The following CNTNAP2 variants were observed in gnomAD, a reference collection of about 807,000 sequenced individuals.
CNTNAP2 encodes the protein contactin associated protein 2, also known as contactin-associated protein-like 2.
Under a neutral mutation model 155.2 loss-of-function variants are expected in CNTNAP2, and 98 were observed. The ratio of observed to expected loss-of-function variants is 0.63; its 90% confidence interval spans 0.54 to 0.75. CNTNAP2 has a LOEUF of 0.75. Ranked by LOEUF, CNTNAP2 falls within the 30% of genes least tolerant of loss-of-function variation. The pLI is 0.00. For synonymous variants in CNTNAP2, 651 were observed against 631.2 expected (o/e 1.03, Z -0.47); for missense variants, 1,727 against 1,688.1 (o/e 1.02, Z -0.40).
intron 10 of CNTNAP2, among the ~76,000 whole-genome samples, chr7:147,478,382 A>T (rs1488814192): frequency 6.6e-6 from 1 of 151,932 alleles, no homozygotes; most frequent in African/African-American, 2.4e-5. Flanking sequence ...TGAACTCCTG[A>T]CCTCAGGTGA....
intron 7 of CNTNAP2, among the ~76,000 whole-genome samples, chr7:147,129,665 C>T (rs958817270): frequency 2.0e-5 from 3 of 152,118 alleles, no homozygotes; most frequent in African/African-American, 7.2e-5. Context: ...ACAATAATGT[C>T]ATGAGTGTTT....
intron 3 of CNTNAP2, among the ~76,000 whole-genome samples, chr7:147,005,907 T>C (rs1242285517): frequency 2.6e-5 from 4 of 151,970 alleles, no homozygotes; most frequent in Non-Finnish European, 4.4e-5. Context: ...TATCCTATCC[T>C]GGTTTCCTAC....
chr7:146,610,866 C>T (rs764580328), intron 1 of CNTNAP2, among the ~76,000 whole-genome samples: 16 of 152,222 alleles, frequency 1.1e-4, no homozygotes, highest in Non-Finnish European at 2.1e-4. Context: ...TTGCCTTGAG[C>T]CCCTGGTGCC....
intron 1 of CNTNAP2, among the ~76,000 whole-genome samples, chr7:146,151,682 G>A (rs62504799): frequency 0.092 from 6,549 of 71,344 alleles, 349 homozygotes; most frequent in East Asian, 0.15. Context: ...ATATATATAT[G>A]TATATATATA....
intron 1 of CNTNAP2, among the ~76,000 whole-genome samples, chr7:146,245,926 A>ATG (rs541058227): frequency 6.0e-4 from 58 of 97,414 alleles, no homozygotes; most frequent in African/African-American, 2.4e-3. Context: ...GAGAGAGGAT[A>ATG]GGGTTTGGCA....
In CNTNAP2 at chr7:146,887,908, G is replaced by C. The variant is rs559486558; in HGVS notation, c.402+48004G>C. On this transcript the variant is annotated intron_variant, in intron 3 of 23. Transcript: ENST00000361727. ...ATCTAAGTTCTTTTCTTATGTTAGG[G>C]TGTCCACTTTTAGTCTTAGAGATAT... 3.9e-5 allele frequency among the ~76,000 whole-genome samples: 6 copies of C among 152,152 alleles called. No individual in the cohort carries two copies. In the East Asian group the frequency reaches 5.8e-4, roughly 15 times the overall value.
intron 9 of CNTNAP2, among the ~76,000 whole-genome samples, chr7:147,341,564 A>AT (rs761270800): frequency 6.6e-6 from 1 of 152,170 alleles, no homozygotes; most frequent in Non-Finnish European, 1.5e-5. Flanking sequence ...ATTTAGGTTG[A>AT]TACAACATGG....
chr7:146,243,944 G>A (rs1044908384), intron 1 of CNTNAP2, among the ~76,000 whole-genome samples: 1 of 152,146 alleles, frequency 6.6e-6, no homozygotes, highest in Admixed American at 6.5e-5. Flanking sequence ...CTTCGAGCGG[G>A]ATTAGGGGCG....
At chr7:146,931,403 A>C (rs1206726926) in intron 3 of CNTNAP2, among the ~76,000 whole-genome samples, 102 of 149,126 alleles carry the variant, frequency 6.8e-4, no homozygotes, top group Non-Finnish European at 1.1e-3. Flanking sequence ...ACAAAGACAC[A>C]ACATACCAGA....
intron 13 of CNTNAP2, among the ~76,000 whole-genome samples, chr7:147,710,297 A>G (rs1235670449): frequency 1.3e-5 from 2 of 152,134 alleles, no homozygotes; most frequent in Admixed American, 1.3e-4. Context: ...ATGCATTTTA[A>G]GCTTCTTAGC....
rs142012298 is a variant in CNTNAP2, at chr7:148,165,539, C to T, written c.2774-6703C>T. Among the ~76,000 whole-genome samples, 19 of 152,240 alleles carry T rather than the reference C, an allele frequency of 1.2e-4. No homozygotes were observed. In the East Asian group the frequency reaches 3.5e-3, roughly 28 times the overall value. ...GCCTATACTCAATAATAGCAATAAT[C>T]GTAACAGCTACCAGTAACTAGAATT... On this transcript the variant is annotated intron_variant, in intron 17 of 23. Transcript: ENST00000361727.
intron 8 of CNTNAP2, among the ~76,000 whole-genome samples, chr7:147,262,991 G>T (rs907132407): frequency 6.6e-6 from 1 of 152,148 alleles, no homozygotes; most frequent in African/African-American, 2.4e-5. Flanking sequence ...AATACAGATA[G>T]TAACTTGCTG....
chr7:148,158,647 GT>G (rs1805452674), intron 17 of CNTNAP2, among the ~76,000 whole-genome samples: 1 of 152,106 alleles, frequency 6.6e-6, no homozygotes, highest in East Asian at 1.9e-4. Context: ...AAACTTTACG[GT>G]GAACATTCTG....
chr7:147,545,735 A>T (rs1286590239), intron 11 of CNTNAP2, among the ~76,000 whole-genome samples: 1 of 152,156 alleles, frequency 6.6e-6, no homozygotes, highest in Admixed American at 6.5e-5. Context: ...AGGTTTGAAA[A>T]GCAACTTTTA....
At chr7:146,623,065 A>G (rs1337992799) in intron 1 of CNTNAP2, among the ~76,000 whole-genome samples, 4 of 152,108 alleles carry the variant, frequency 2.6e-5, no homozygotes, top group Non-Finnish European at 5.9e-5. Context: ...GAGTTTCAGA[A>G]TTGTTAGTGG....
intron 21 of CNTNAP2, among the ~76,000 whole-genome samples, chr7:148,290,638 G>A (rs1396850951): frequency 6.6e-6 from 1 of 152,138 alleles, no homozygotes; most frequent in African/African-American, 2.4e-5. Context: ...ATCTTCATGT[G>A]GCTGGTGCCT....
At chr7:146,919,796 G>T (rs1474129284) in intron 3 of CNTNAP2, among the ~76,000 whole-genome samples, 1 of 152,148 alleles carries the variant, frequency 6.6e-6, no homozygotes, top group Non-Finnish European at 1.5e-5. Flanking sequence ...CTGTCCCATG[G>T]AGCCTGTAGC....
intron 15 of CNTNAP2, among the ~76,000 whole-genome samples, chr7:148,106,499 T>G (rs1040421713): frequency 3.5e-4 from 44 of 127,142 alleles, no homozygotes; most frequent in Middle Eastern, 3.9e-3. Context: ...TTGAGATATA[T>G]ATATATATAT....
intron 1 of CNTNAP2, among the ~76,000 whole-genome samples, chr7:146,258,350 A>G (rs1012840230): frequency 6.6e-6 from 1 of 152,082 alleles, no homozygotes; most frequent in Non-Finnish European, 1.5e-5. Flanking sequence ...ACATATTATT[A>G]TACATTTTTT....
Sources: gnomAD v4.1 joint callset for allele counts (sites outside exome capture counted in the v4.1 genomes callset) on GRCh38, gnomAD v4.1.1 for gene constraint, MANE v1.5 for transcripts, NCBI Gene and HGNC (gene_info 2026-07-23, HGNC 2026-07-21) for gene names.